The following COL22A1 variants were observed in gnomAD, a reference collection of about 807,000 sequenced individuals.
The protein encoded by COL22A1 is collagen type XXII alpha 1 chain.
In COL22A1, 221 loss-of-function variants were observed where a neutral mutation model predicts 248.9. The ratio of observed to expected loss-of-function variants is 0.89; its 90% confidence interval spans 0.80 to 0.99. COL22A1 has a LOEUF of 0.99. COL22A1 is among the 50% of genes least tolerant of loss of function. COL22A1 has a pLI of 0.00. For synonymous variants in COL22A1, 891 were observed against 793.4 expected (o/e 1.12, Z -2.07); for missense variants, 2,240 against 2,179.0 (o/e 1.03, Z -0.56).
At chr8:138,611,129 A>C (rs1442012039) in intron 56 of COL22A1, among the ~76,000 whole-genome samples, 1 of 152,194 alleles carries the variant, frequency 6.6e-6, no homozygotes, top group Non-Finnish European at 1.5e-5. Flanking sequence ...CTCATCAAGA[A>C]TTTGATCGCT....
At chr8:138,689,367 G>A (rs1477273362) in intron 36 of COL22A1, among the ~76,000 whole-genome samples, 1 of 152,154 alleles carries the variant, frequency 6.6e-6, no homozygotes, top group African/African-American at 2.4e-5. Flanking sequence ...GTCCCCAAAA[G>A]GTTGACTTTG....
intron 40 of COL22A1, 30 bp downstream of exon 40, chr8:138,679,587 T>C (rs372331682): frequency 3.1e-6 from 5 of 1,603,078 alleles, no homozygotes; most frequent in Non-Finnish European, 4.3e-6. Flanking sequence ...TTCTGTCTTT[T>C]TGCAAATGTT....
At position 138,592,180 on chromosome 8, in the gene COL22A1, A is replaced by C. The variant is rs186732905; in HGVS notation, c.4616-679T>G. ...AAATGCCATCATAGGAATTTCAAAA[A>C]AACACTACAGACATGCAGAGGAGAG... On this transcript the variant is annotated intron_variant, in intron 63 of 64. Transcript: ENST00000303045. Among the ~76,000 whole-genome samples the C allele has an allele frequency of 2.1e-4, 32 of 152,362 alleles. No individual in the cohort carries two copies. In the East Asian group the frequency reaches 5.6e-3, roughly 27 times the overall value.
chr8:138,766,850 C>A (rs1039383353), intron 16 of COL22A1, among the ~76,000 whole-genome samples: 9 of 152,344 alleles, frequency 5.9e-5, no homozygotes, highest in East Asian at 1.9e-4. Context: ...ACCCATGCCC[C>A]CCTGCAGGCC....
intron 61 of COL22A1, among the ~76,000 whole-genome samples, chr8:138,597,270 C>T (rs1213571812): frequency 6.6e-6 from 1 of 152,184 alleles, no homozygotes; most frequent in Non-Finnish European, 1.5e-5. Flanking sequence ...CCACTGTGCC[C>T]ATTAATTCCA....
chr8:138,616,298 A>G (rs1184689243), intron 54 of COL22A1, among the ~76,000 whole-genome samples: 1 of 152,170 alleles, frequency 6.6e-6, no homozygotes, highest in Non-Finnish European at 1.5e-5. Flanking sequence ...TCAAGCAGGG[A>G]AGAACAGCAG....
intron 30 of COL22A1, 137 bp from the exon 31 acceptor site, chr8:138,703,484 G>C (rs1828138701): frequency 1.5e-6 from 1 of 679,810 alleles, no homozygotes; most frequent in African/African-American, 1.8e-5. Context: ...GGTGCACCCT[G>C]CACCTACCTT....
At chr8:138,623,847 A>C (rs1244356843) in intron 51 of COL22A1, 62 bp from the exon 52 acceptor site, 6 of 1,477,672 alleles carry the variant, frequency 4.1e-6, no homozygotes, top group Non-Finnish European at 5.6e-6. Flanking sequence ...GGAAAGACGA[A>C]GGCAGTTTCA....
chr8:138,806,271 T>TGAGATGGTGTGTTTGA (rs1453010985), intron 10 of COL22A1, among the ~76,000 whole-genome samples: 9 of 149,304 alleles, frequency 6.0e-5, no homozygotes, highest in African/African-American at 2.2e-4. Flanking sequence ...ATGGTGTGTG[T>TGAGATGGTGTGTTTGA]GAGATGGTGT....
intron 47 of COL22A1, among the ~76,000 whole-genome samples, chr8:138,645,517 C>G (rs963514664): frequency 1.3e-5 from 2 of 152,196 alleles, no homozygotes; most frequent in African/African-American, 4.8e-5. Context: ...AAGGAGACAA[C>G]AACTGAGGTA....
rs1828393357 is a variant in COL22A1, at chr8:138,705,924, G to C, written c.2518-2577C>G. On this transcript the variant is annotated intron_variant, in intron 30 of 64. Transcript: ENST00000303045. ...GAGACACACATAGGCTCAAAACAAA[G>C]GGATAGAGGAAGATCTACCAAGCAA... 2.0e-5 allele frequency among the ~76,000 whole-genome samples: 3 copies of C among 152,060 alleles called. No homozygotes were observed. The South Asian group carries it at 6.2e-4, about 32-fold the overall frequency.
In COL22A1 at chr8:138,589,968, AT is replaced by A. The variant is rs1489133178; in HGVS notation, c.4694-529del. 1.3e-5 allele frequency among the ~76,000 whole-genome samples: 2 copies of A among 152,238 alleles called. 1 individual carries two copies. The highest frequency in any genetic ancestry group is 4.2e-4 in the South Asian group (2 of 4,808). On this transcript the variant is annotated intron_variant, in intron 64 of 64. Coordinates refer to ENST00000303045, the MANE Select transcript of COL22A1 (RefSeq NM_152888.3). The stretch of plus-strand genomic sequence containing the variant: ...AATTTGAACCACATATTTGGATTAC[AT>A]TAAGCTATTCTGTAAAATCATGGCC...
chr8:138,766,879 C>T (rs1223941154), intron 16 of COL22A1, among the ~76,000 whole-genome samples: 1 of 152,226 alleles, frequency 6.6e-6, no homozygotes, highest in Non-Finnish European at 1.5e-5. Context: ...AGACTTGCTG[C>T]TGTTGATTGG....
chr8:138,766,793 G>T (rs1833945345), intron 16 of COL22A1, among the ~76,000 whole-genome samples: 1 of 152,242 alleles, frequency 6.6e-6, no homozygotes, highest in Admixed American at 6.5e-5. Flanking sequence ...GGGACAGGCA[G>T]TGGAACCATG....
At position 138,893,298 on chromosome 8, in the gene COL22A1, C is replaced by G. The variant is rs533096063; in HGVS notation, c.-72-10054G>C. The stretch of plus-strand genomic sequence containing the variant: ...ATGACTAAGCTTTTCAATCAGCATC[C>G]CTGTGTTCAAATTCCAATTATGCTG... On this transcript the variant is annotated intron_variant, in intron 1 of 64. Transcript: ENST00000303045. Among the ~76,000 whole-genome samples the G allele has an allele frequency of 3.3e-5, 5 of 152,324 alleles. No homozygotes were observed. The East Asian group carries it at 9.6e-4, about 29-fold the overall frequency.
At position 138,913,874 on chromosome 8, in the gene COL22A1, A is replaced by C. The variant is rs549292212; in HGVS notation, c.-328T>G. 6.6e-6 allele frequency: 1 copy of C among 152,396 alleles called. No individual in the cohort carries two copies. The highest frequency in any genetic ancestry group is 1.5e-5 in the Non-Finnish European group (1 of 68,138). The allele number at this position is 152,396 out of a possible 1,614,324, so 9.4% of individuals were successfully genotyped here. On this transcript the variant is annotated 5_prime_UTR_variant, in exon 1 of 65. Coordinates refer to ENST00000303045, the MANE Select transcript of COL22A1 (RefSeq NM_152888.3). ...TGAAAACAAGTAACTAAATACATACAGTTAGAAGGAAAGGCTTGAAAGTTA... is the reference window on the plus strand; with the variant it reads ...TGAAAACAAGTAACTAAATACATACCGTTAGAAGGAAAGGCTTGAAAGTTA...
chr8:138,692,045 GGTGT>G (rs767960506), intron 35 of COL22A1, among the ~76,000 whole-genome samples: 2 of 122,890 alleles, frequency 1.6e-5, no homozygotes, highest in East Asian at 5.5e-4. Flanking sequence ...CATTTGTGAA[GGTGT>G]GTGTGTGCGC....
At position 138,589,388 on chromosome 8, in the gene COL22A1, G is replaced by A; in HGVS notation, c.4746C>T (p.Gly1582=). 6.2e-7 allele frequency: 1 copy of A among 1,601,546 alleles called. No homozygotes were observed. Among genetic ancestry groups the A allele is most frequent in the Non-Finnish European group, 8.5e-7 (1 of 1,174,018 alleles). Residue 1582 remains glycine (G), a synonymous_variant, in exon 65 of 65, where the codon GGC becomes GGT. Transcript: ENST00000303045. ...CAGCTGGTCCTGTCTCCCCTTGAGG[G>A]CCAGGGATCCCAGGAAGTCCATCTT... ...YAKDGLPGIP[G]PQGETGPAGH... is the part of the protein sequence containing the mutation.
chr8:138,764,528 G>T (rs973579257), intron 16 of COL22A1, among the ~76,000 whole-genome samples: 1 of 152,222 alleles, frequency 6.6e-6, no homozygotes, highest in African/African-American at 2.4e-5. Flanking sequence ...CCCTCTCTGG[G>T]CTCTGCAGTT....
Sources: gnomAD v4.1 joint callset for allele counts (sites outside exome capture counted in the v4.1 genomes callset) on GRCh38, gnomAD v4.1.1 for gene constraint, MANE v1.5 for transcripts, NCBI Gene and HGNC (gene_info 2026-07-23, HGNC 2026-07-21) for gene names.